Variants in CASP8 observed in about 807,000 individuals in gnomAD.
CASP8 encodes caspase-8.
A neutral mutation model predicts 46.3 loss-of-function variants in CASP8; 24 were observed. The ratio of observed to expected loss-of-function variants is 0.52; its 90% confidence interval spans 0.38 to 0.73. CASP8 has a LOEUF of 0.73. Ranked by LOEUF, CASP8 falls within the 30% of genes least tolerant of loss-of-function variation. The pLI is 0.00. For missense variants in CASP8, 460 were observed against 559.0 expected (o/e 0.82, Z 1.79); for synonymous variants, 188 against 200.4 (o/e 0.94, Z 0.52).
Position 201,278,887 on chromosome 2 carries a change from A to C in CASP8, c.802+1919A>C, listed in dbSNP as rs572883926. 5.5e-4 allele frequency among the ~76,000 whole-genome samples: 84 copies of C among 152,340 alleles called. No homozygotes were observed. The South Asian group carries it at 0.017, about 31-fold the overall frequency. ...TAGCTCTGATGTGCTGACAGGGACAAAATGCTGGAGAAGGAATAAAAAAGG... is the reference window on the plus strand; with the variant it reads ...TAGCTCTGATGTGCTGACAGGGACACAATGCTGGAGAAGGAATAAAAAAGG... On this transcript the variant is annotated intron_variant, in intron 7 of 8. Transcript: ENST00000673742.
chr2:201,252,290 T>G (rs992852711), intron 2 of CASP8, among the ~76,000 whole-genome samples: 3 of 152,146 alleles, frequency 2.0e-5, no homozygotes, highest in African/African-American at 7.2e-5. Context: ...TTTTTGTTTT[T>G]TTTTGAGACA....
At chr2:201,254,124 G>A (rs1432014478) in intron 2 of CASP8, among the ~76,000 whole-genome samples, 1 of 151,396 alleles carries the variant, frequency 6.6e-6, no homozygotes, top group Non-Finnish European at 1.5e-5. Context: ...TCAGTGACAT[G>A]AATATTGGAA....
At chr2:201,282,992 G>C (rs1949211618) in intron 7 of CASP8, among the ~76,000 whole-genome samples, 1 of 73,800 alleles carries the variant, frequency 1.4e-5, no homozygotes, top group Non-Finnish European at 3.4e-5. Flanking sequence ...GCCGGGCGGG[G>C]GGCTGACCCC....
At chr2:201,281,848 T>G in intron 7 of CASP8, 1 of 1,468,776 alleles carries the variant, frequency 6.8e-7, no homozygotes, top group Non-Finnish European at 9.1e-7. Flanking sequence ...GAGAATGTTT[T>G]TAGCTGGTGG....
intron 2 of CASP8, among the ~76,000 whole-genome samples, chr2:201,237,130 G>A (rs1188424475): frequency 3.3e-5 from 4 of 122,778 alleles, no homozygotes; most frequent in Non-Finnish European, 6.3e-5. Context: ...TTGCTGTGTC[G>A]CCCAGGCTGG....
chr2:201,247,307 CTT>C (rs1946574185), intron 2 of CASP8, among the ~76,000 whole-genome samples: 1 of 150,162 alleles, frequency 6.7e-6, no homozygotes, highest in Admixed American at 6.7e-5. Context: ...CAGGGTGAGA[CTT>C]TTCTTTTAAC....
At position 201,266,602 on chromosome 2, in the gene CASP8, A is replaced by T; in HGVS notation, c.116A>T (p.Lys39Met). The change falls in exon 2 of 9, where the codon AAG becomes ATG. Residue 39 changes from lysine (K) to methionine (M), a missense_variant. Lys to Met is a moderately conservative substitution (Grantham distance 95). Transcript: ENST00000673742. This position sits in a 1 kb window ranked among gnomAD's most constrained non-coding sequence, Gnocchi z 5.7. ...CCGCAAAGGAAGCAAGAACCCATCA[A>T]GGATGCCTTGATGTTATTCCAGAGA... is the stretch of plus-strand genomic sequence containing the variant. Reference protein sequence around the residue: ...YIPQRKQEPIKDALMLFQRLQ... With the variant: ...YIPQRKQEPIMDALMLFQRLQ... The T allele has an allele frequency of 6.2e-7, 1 of 1,614,254 alleles. No homozygotes were observed. The highest frequency in any genetic ancestry group is 8.5e-7 in the Non-Finnish European group (1 of 1,180,046).
At chr2:201,253,796 T>C (rs1946893080) in intron 2 of CASP8, among the ~76,000 whole-genome samples, 1 of 151,952 alleles carries the variant, frequency 6.6e-6, no homozygotes, top group African/African-American at 2.4e-5. Flanking sequence ...TTTAAGAAAA[T>C]TCTGGGCCAG....
chr2:201,248,795 GT>G (rs34813732), intron 2 of CASP8, among the ~76,000 whole-genome samples: 1 of 152,138 alleles, frequency 6.6e-6, no homozygotes, highest in Non-Finnish European at 1.5e-5. Context: ...CCTGTTGGTG[GT>G]TTTTTCCCCT....
At chr2:201,286,376 A>G in intron 8 of CASP8, 83 bp from the exon 9 acceptor site, 10 of 1,516,602 alleles carry the variant, frequency 6.6e-6, no homozygotes, top group Non-Finnish European at 9.1e-6. Context: ...GAACTACAGA[A>G]CTATCTCTGA....
At chr2:201,251,068 C>T (rs13021736) in intron 2 of CASP8, among the ~76,000 whole-genome samples, 37,430 of 152,076 alleles carry the variant, frequency 0.25, 5,674 homozygotes, top group East Asian at 0.42. Flanking sequence ...CTCTTCCATG[C>T]CTTTGCGTGG....
At chr2:201,284,350 G>T (rs1949398951) in intron 7 of CASP8, among the ~76,000 whole-genome samples, 1 of 77,204 alleles carries the variant, frequency 1.3e-5, no homozygotes. Flanking sequence ...GTTGTAGCAA[G>T]CCGAGATCAC....
chr2:201,259,309 A>G (rs1458183065), upstream of CASP8, among the ~76,000 whole-genome samples: 3 of 152,090 alleles, frequency 2.0e-5, no homozygotes, highest in Non-Finnish European at 2.9e-5. Context: ...ATTAGCTGGG[A>G]CCACAGGCGC....
upstream of CASP8, among the ~76,000 whole-genome samples, chr2:201,256,074 T>C (rs558778437): frequency 5.4e-4 from 82 of 152,262 alleles, no homozygotes; most frequent in African/African-American, 1.6e-3. Flanking sequence ...TATTGAGAAA[T>C]GTGGAAGGCC....
At chr2:201,253,189 A>G (rs537449416) in intron 2 of CASP8, among the ~76,000 whole-genome samples, 7 of 147,446 alleles carry the variant, frequency 4.7e-5, no homozygotes, top group African/African-American at 1.7e-4. Context: ...TAAAGACAGT[A>G]TGTTGCCCAG....
At chr2:201,251,108 A>G (rs1240701506) in intron 2 of CASP8, among the ~76,000 whole-genome samples, 3 of 152,210 alleles carry the variant, frequency 2.0e-5, no homozygotes, top group South Asian at 4.1e-4. Flanking sequence ...TTATTGCTGA[A>G]TAATAATCTA....
chr2:201,261,114 T>G (rs1369026719), intron 1 of CASP8, among the ~76,000 whole-genome samples: 1 of 152,202 alleles, frequency 6.6e-6, no homozygotes, highest in African/African-American at 2.4e-5. Flanking sequence ...TAAAAAAGAC[T>G]GGGCGTGGTG....
At chr2:201,249,901 T>C (rs12990906) in intron 2 of CASP8, among the ~76,000 whole-genome samples, 68,142 of 152,100 alleles carry the variant, frequency 0.45, 17,553 homozygotes, top group Non-Finnish European at 0.59. Flanking sequence ...GTTTTCCTTC[T>C]ACCCTTCTAA....
chr2:201,283,573 AC>A (rs1314528334), intron 7 of CASP8, among the ~76,000 whole-genome samples: 1 of 43,240 alleles, frequency 2.3e-5, no homozygotes, highest in African/African-American at 8.2e-5. Flanking sequence ...CGGGGGGCTG[AC>A]CCCCCCACCT....
Sources: gnomAD v4.1 joint callset for allele counts (sites outside exome capture counted in the v4.1 genomes callset) on GRCh38, gnomAD v4.1.1 for gene constraint, Gnocchi (gnomAD v3.1) non-coding constraint, MANE v1.5 for transcripts, NCBI Gene and HGNC (gene_info 2026-07-23, HGNC 2026-07-21) for gene names.